MAP2: variants seen among roughly 807,000 people sequenced by gnomAD.
MAP2 encodes the protein microtubule-associated protein 2.
MAP2 carries 14 observed loss-of-function variants against 137.6 expected under a neutral mutation model. The observed-to-expected ratio is 0.10, with a 90% CI of 0.07 to 0.16. MAP2 has a LOEUF of 0.16. Among genes scored for constraint, MAP2 ranks in the 10% least tolerant of loss-of-function variants. The pLI, the probability that MAP2 is intolerant of heterozygous loss-of-function variation, is 1.00. For synonymous variants in MAP2, 786 were observed against 782.3 expected, an observed-to-expected ratio of 1.00 and a Z score of -0.08; for missense variants, 2,088 against 2,191.5, an observed-to-expected ratio of 0.95 and a Z score of 0.94.
intron 5 of MAP2, among the ~76,000 whole-genome samples, chr2:209,662,087 T>A (rs188075472): frequency 6.6e-6 from 1 of 152,358 alleles, no homozygotes; most frequent in Non-Finnish European, 1.5e-5. Flanking sequence ...TCTCAAGACT[T>A]GTTTCCATTA....
chr2:209,470,464 T>C (rs1705380798), intron 1 of MAP2, among the ~76,000 whole-genome samples: 2 of 149,690 alleles, frequency 1.3e-5, no homozygotes, highest in South Asian at 4.2e-4. Flanking sequence ...AAAAAATATA[T>C]ATAAACATAT....
intron 3 of MAP2, among the ~76,000 whole-genome samples, chr2:209,595,902 C>A (rs2081157409): frequency 6.6e-6 from 1 of 152,186 alleles, no homozygotes; most frequent in South Asian, 2.1e-4. Flanking sequence ...GGGAATTGAA[C>A]AATGAGAACA....
chr2:209,647,992 C>A (rs959139001), intron 4 of MAP2, among the ~76,000 whole-genome samples: 1 of 151,776 alleles, frequency 6.6e-6, no homozygotes, highest in African/African-American at 2.4e-5. Context: ...TAATAATATA[C>A]CTTACCTAGA....
chr2:209,651,676 T>C (rs1196663480), intron 4 of MAP2, among the ~76,000 whole-genome samples: 1 of 152,146 alleles, frequency 6.6e-6, no homozygotes. Context: ...ACCTAAATTT[T>C]TACATCCTGT....
intron 1 of MAP2, among the ~76,000 whole-genome samples, chr2:209,469,197 A>G (rs1378669164): frequency 2.0e-5 from 3 of 152,290 alleles, no homozygotes; most frequent in East Asian, 1.9e-4. Flanking sequence ...TCAGCTTACC[A>G]CATTTTCTCA....
rs776797831 is a variant in MAP2 at position 209,692,700 on chromosome 2, A to G, written c.530A>G (p.Gln177Arg). 4 of 1,613,752 alleles carry G rather than the reference A, an allele frequency of 2.5e-6. No homozygotes were observed. The highest frequency in any genetic ancestry group is 3.4e-6 in the Non-Finnish European group (4 of 1,179,842). Residue 177 changes from glutamine to arginine, a missense_variant, in exon 8 of 16, where the codon CAG (glutamine) becomes CGG (arginine). This residue lies in a region of MAP2 where 859 missense variants were observed against 794.5 expected (regional missense o/e 1.08). Transcript: ENST00000682079. ...LTPSTAEPSD[Q>R]KEKESEKQSK... Reference sequence around the variant, plus strand: ...CCCTCTACAGCTGAGCCTTCAGACCAGAAGGAAAAGGAGTCAGAGAAGCAA... The same window carrying G: ...CCCTCTACAGCTGAGCCTTCAGACCGGAAGGAAAAGGAGTCAGAGAAGCAA...
chr2:209,656,526 T>C (rs1399589588), intron 5 of MAP2, among the ~76,000 whole-genome samples: 1 of 151,792 alleles, frequency 6.6e-6, no homozygotes, highest in Non-Finnish European at 1.5e-5. Context: ...AAAATAATAA[T>C]AATAATCTAG....
intron 5 of MAP2, among the ~76,000 whole-genome samples, chr2:209,661,014 G>A (rs1368856101): frequency 6.6e-6 from 1 of 151,688 alleles, no homozygotes; most frequent in Non-Finnish European, 1.5e-5. Context: ...AAAGTGCTGG[G>A]ATTACAGGCG....
At chr2:209,456,732 C>T (rs1266215292) in intron 1 of MAP2, among the ~76,000 whole-genome samples, 2 of 152,216 alleles carry the variant, frequency 1.3e-5, no homozygotes, top group East Asian at 1.9e-4. Context: ...CCACAAGTTA[C>T]CTGTTTACTT....
intron 10 of MAP2, among the ~76,000 whole-genome samples, chr2:209,698,722 C>T (rs1583841704): frequency 6.6e-6 from 1 of 152,284 alleles, no homozygotes; most frequent in East Asian, 1.9e-4. Flanking sequence ...TAGGAATTAA[C>T]GTGACATACC....
At chr2:209,624,831 A>G (rs114902591) in intron 3 of MAP2, among the ~76,000 whole-genome samples, 260 of 152,312 alleles carry the variant, frequency 1.7e-3, no homozygotes, top group African/African-American at 6.0e-3. Context: ...AAAAGCATGC[A>G]GCAGTTAGCA....
At chr2:209,536,135 A>G (rs1201233967) in intron 2 of MAP2, among the ~76,000 whole-genome samples, 1 of 152,210 alleles carries the variant, frequency 6.6e-6, no homozygotes, top group African/African-American at 2.4e-5. Flanking sequence ...ATTTGTTTAA[A>G]TGTTTGTTAA....
chr2:209,470,458 A>AT (rs1234672086), intron 1 of MAP2, among the ~76,000 whole-genome samples: 2 of 149,996 alleles, frequency 1.3e-5, no homozygotes, highest in Admixed American at 6.7e-5. Flanking sequence ...TTAAGTAAAA[A>AT]ATATATATAA....
At chr2:209,534,880 A>G (rs893726049) in intron 2 of MAP2, among the ~76,000 whole-genome samples, 1 of 152,212 alleles carries the variant, frequency 6.6e-6, no homozygotes, top group Admixed American at 6.5e-5. Context: ...AAAATGGAAT[A>G]CGTGCATTTT....
chr2:209,621,793 A>G (rs1451889323), intron 3 of MAP2, among the ~76,000 whole-genome samples: 2 of 152,316 alleles, frequency 1.3e-5, no homozygotes, highest in Admixed American at 6.5e-5. Flanking sequence ...ATTTATCATT[A>G]TAGCCTCAAT....
intron 14 of MAP2, among the ~76,000 whole-genome samples, chr2:209,728,050 C>T (rs192575494): frequency 1.3e-5 from 2 of 152,282 alleles, no homozygotes; most frequent in Admixed American, 1.3e-4. Context: ...GGGAGGATCA[C>T]CTGGGCCCAG....
intron 2 of MAP2, among the ~76,000 whole-genome samples, chr2:209,547,203 G>T (rs1328804941): frequency 6.6e-6 from 1 of 152,068 alleles, no homozygotes; most frequent in Non-Finnish European, 1.5e-5. Context: ...CATGCCCCTT[G>T]AGGAGAGGGT....
At chr2:209,659,035 G>C (rs1394683496) in intron 5 of MAP2, among the ~76,000 whole-genome samples, 2 of 152,118 alleles carry the variant, frequency 1.3e-5, no homozygotes, top group East Asian at 3.8e-4. Context: ...AGAAGACTAA[G>C]GCACAGAATG....
intron 4 of MAP2, among the ~76,000 whole-genome samples, chr2:209,634,123 C>T (rs898998125): frequency 9.2e-5 from 14 of 152,120 alleles, no homozygotes; most frequent in African/African-American, 3.4e-4. Flanking sequence ...ATTCTTTCCT[C>T]AAGTTTGCTC....
Sources: allele counts gnomAD v4.1 joint callset (sites outside exome capture counted in the v4.1 genomes callset), GRCh38; gene constraint gnomAD v4.1.1; regional missense constraint gnomAD v4.1.1; transcripts MANE v1.5; gene names NCBI Gene and HGNC (gene_info 2026-07-23, HGNC 2026-07-21).